Variants in ORC3 observed in about 807,000 individuals in gnomAD.
ORC3 encodes the protein homolog of latheo, Drosophila.
ORC3 carries 78 observed loss-of-function variants against 100.7 expected under a neutral mutation model. The ratio of observed to expected loss-of-function variants is 0.77; its 90% CI spans 0.65 to 0.94. The LOEUF (loss-of-function observed/expected upper bound fraction) is 0.94. ORC3 is among the 40% of genes least tolerant of loss of function. The pLI is 0.00. For missense variants in ORC3, 789 were observed against 823.9 expected (o/e 0.96, Z 0.52); for synonymous variants, 295 against 289.3 (o/e 1.02, Z -0.20).
intron 11 of ORC3, among the ~76,000 whole-genome samples, chr6:87,629,676 TA>T (rs758451868): frequency 6.6e-6 from 1 of 152,196 alleles, no homozygotes; most frequent in Non-Finnish European, 1.5e-5. Context: ...TTGTACCTAA[TA>T]AATAATTTCT....
chr6:87,595,536 C>G (rs1474499990), intron 2 of ORC3: 1 of 152,212 alleles, frequency 6.6e-6, no homozygotes, highest in Non-Finnish European at 1.5e-5. Flanking sequence ...AGAAGACTTT[C>G]TACTCTCACA....
chr6:87,622,922 G>A (rs540369432), intron 11 of ORC3, among the ~76,000 whole-genome samples: 1 of 152,166 alleles, frequency 6.6e-6, no homozygotes, highest in South Asian at 2.1e-4. Flanking sequence ...AACACATAAT[G>A]TCACATTTAT....
intron 9 of ORC3, among the ~76,000 whole-genome samples, chr6:87,618,304 G>T (rs545149810): frequency 6.6e-6 from 1 of 152,278 alleles, no homozygotes; most frequent in South Asian, 2.1e-4. Context: ...CAGCTACTTG[G>T]GGGGCTGAGG....
chr6:87,606,617 ACTC>A (rs1469911198), intron 5 of ORC3, among the ~76,000 whole-genome samples: 3 of 151,614 alleles, frequency 2.0e-5, no homozygotes, highest in African/African-American at 7.3e-5. Context: ...TGCAGCTTGA[ACTC>A]CTGGCCTCAA....
At chr6:87,590,312 G>T (rs1404364651) in intron 1 of ORC3, 120 bp downstream of exon 1, 4 of 1,107,442 alleles carry the variant, frequency 3.6e-6, no homozygotes, top group Non-Finnish European at 5.5e-6. Context: ...AGGGAGCGGC[G>T]TACTGAGCTG....
intron 2 of ORC3, among the ~76,000 whole-genome samples, chr6:87,597,208 C>A (rs1188787217): frequency 1.3e-5 from 2 of 152,098 alleles, no homozygotes; most frequent in African/African-American, 2.4e-5. Flanking sequence ...ACCACATAGC[C>A]TGAAACGAAT....
the ORC3 span, chr6:87,675,667 A>G: frequency 6.3e-7 from 1 of 1,598,292 alleles, no homozygotes; most frequent in Non-Finnish European, 8.6e-7. Context: ...AACGAATACT[A>G]GATCTTGATT....
intron 7 of ORC3, among the ~76,000 whole-genome samples, chr6:87,610,601 C>T (rs1458921490): frequency 1.3e-5 from 2 of 148,268 alleles, no homozygotes; most frequent in Admixed American, 1.3e-4. Context: ...GGTCGGACTG[C>T]GGACTGCAGT....
intron 11 of ORC3, 147 bp from the exon 12 acceptor site, chr6:87,634,698 T>C: frequency 1.7e-6 from 1 of 594,884 alleles, no homozygotes; most frequent in Non-Finnish European, 3.0e-6. Context: ...TTCTGGATTT[T>C]ATATGTATTT....
intron 13 of ORC3, among the ~76,000 whole-genome samples, chr6:87,639,825 C>CAAAAAAAAAAAAAA (rs548788316): frequency 1.7e-5 from 1 of 58,764 alleles, no homozygotes; most frequent in African/African-American, 6.7e-5. Flanking sequence ...GCCAAAAATA[C>CAAAAAAAAAAAAAA]AAAAAAAAAA....
At chr6:87,654,519 G>A (rs138860853) in intron 14 of ORC3, among the ~76,000 whole-genome samples, 6 of 152,274 alleles carry the variant, frequency 3.9e-5, no homozygotes, top group East Asian at 1.9e-4. Context: ...AGGAGAAGAC[G>A]GCAGCTTGTT....
intron 6 of ORC3, 80 bp from the exon 7 acceptor site, chr6:87,609,016 T>G (rs1778547067): frequency 8.9e-7 from 1 of 1,119,618 alleles, no homozygotes; most frequent in South Asian, 2.0e-5. Flanking sequence ...TAAAGAGAGA[T>G]ATGTCAACAT....
intron 13 of ORC3, 58 bp downstream of exon 13, chr6:87,636,544 A>T (rs1767845662): frequency 3.8e-6 from 4 of 1,051,778 alleles, no homozygotes; most frequent in Non-Finnish European, 6.0e-6. Context: ...GCCAGTAAGT[A>T]GCACCTTCCT....
chr6:87,666,435 C>CTT (rs398002192), intron 19 of ORC3, among the ~76,000 whole-genome samples: 6,271 of 97,596 alleles, frequency 0.064, 322 homozygotes, highest in African/African-American at 0.13. Flanking sequence ...CGGCCTAATT[C>CTT]TTTTTTTTTT....
chr6:87,636,972 T>G (rs1283495256), intron 13 of ORC3, among the ~76,000 whole-genome samples: 4 of 152,230 alleles, frequency 2.6e-5, no homozygotes, highest in African/African-American at 9.6e-5. Flanking sequence ...TAACATTGGC[T>G]AATTCATAAA....
chr6:87,608,579 T>G (rs1778515129), intron 6 of ORC3, among the ~76,000 whole-genome samples: 1 of 152,192 alleles, frequency 6.6e-6, no homozygotes, highest in African/African-American at 2.4e-5. Context: ...CCTGATTTGC[T>G]CCACAATTTT....
downstream of ORC3, among the ~76,000 whole-genome samples, chr6:87,670,289 C>T (rs1770806678): frequency 1.3e-5 from 2 of 152,140 alleles, no homozygotes; most frequent in Admixed American, 6.6e-5. Context: ...CCTCGGCCTC[C>T]CAAGTAGCTG....
chr6:87,590,847 A>G (rs980428502), intron 1 of ORC3, among the ~76,000 whole-genome samples: 4 of 152,176 alleles, frequency 2.6e-5, no homozygotes, highest in African/African-American at 4.8e-5. Context: ...GTAGACAAAG[A>G]GTGGGAGCGT....
intron 15 of ORC3, 89 bp downstream of exon 15, chr6:87,657,071 TG>T: frequency 1.1e-6 from 1 of 881,798 alleles, no homozygotes; most frequent in East Asian, 2.5e-5. Flanking sequence ...TGGATGTTTT[TG>T]TTTTCATTTT....
Sources: gnomAD v4.1 joint callset for allele counts (sites outside exome capture counted in the v4.1 genomes callset) on GRCh38, gnomAD v4.1.1 for gene constraint, MANE v1.5 for transcripts, NCBI Gene and HGNC (gene_info 2026-07-23, HGNC 2026-07-21) for gene names.